Variants in MEP1A observed in about 807,000 individuals in gnomAD.
MEP1A encodes the protein meprin A subunit alpha.
A neutral mutation model predicts 84.5 loss-of-function variants in MEP1A; 68 were observed. That is an observed-to-expected ratio of 0.80 (90% CI 0.66 to 0.98). The LOEUF is 0.98. Among genes scored for constraint, MEP1A ranks in the 50% least tolerant of loss-of-function variants. The pLI, the probability that MEP1A is intolerant of heterozygous loss-of-function variation, is 0.00. For missense variants in MEP1A, 887 were observed against 919.9 expected, an observed-to-expected ratio of 0.96 and a Z score of 0.46; for synonymous variants, 337 against 336.8, an observed-to-expected ratio of 1.00 and a Z score of -0.01.
chr6:46,816,914 C>T (rs540796003), intron 6 of MEP1A, among the ~76,000 whole-genome samples: 1 of 152,152 alleles, frequency 6.6e-6, no homozygotes, highest in East Asian at 1.9e-4. Context: ...TGATGGAGAG[C>T]CATGTGTGAG....
At chr6:46,819,866 C>G (rs780392501) in intron 7 of MEP1A, among the ~76,000 whole-genome samples, 162 bp downstream of exon 7, 11 of 152,172 alleles carry the variant, frequency 7.2e-5, no homozygotes, top group African/African-American at 2.2e-4. Flanking sequence ...CTGTGCTGGT[C>G]TGACCGGAAT....
rs576412445 is a variant in MEP1A, at chr6:46,836,857, C to T, written c.2084+1308C>T. Among the ~76,000 whole-genome samples the T allele has an allele frequency of 2.0e-5, 3 of 149,762 alleles. No homozygotes were observed. The Admixed American group carries it at 2.0e-4, about 10-fold the overall frequency. ...TTAGATTGAAGTTTCACATTTGTGG[C>T]AAGATTAGTAAAGATGTGCTATGCC... On this transcript the variant is annotated intron_variant, in intron 13 of 13. Coordinates refer to ENST00000230588, the MANE Select transcript of MEP1A (RefSeq NM_005588.3).
intron 13 of MEP1A, among the ~76,000 whole-genome samples, chr6:46,836,234 G>A (rs539799248): frequency 5.1e-4 from 78 of 152,322 alleles, no homozygotes; most frequent in African/African-American, 1.8e-3. Flanking sequence ...CTGTCTGGCA[G>A]CACAGTTTGC....
At chr6:46,838,931 C>T (rs1409042424) in intron 13 of MEP1A, 49 bp from the exon 14 acceptor site, 10 of 1,543,164 alleles carry the variant, frequency 6.5e-6, no homozygotes, top group East Asian at 2.3e-5. Context: ...CTAGGAGGCA[C>T]CTGAGGCCTG....
At chr6:46,797,788 C>T (rs890815881) in intron 3 of MEP1A, among the ~76,000 whole-genome samples, 3 of 135,486 alleles carry the variant, frequency 2.2e-5, no homozygotes, top group Non-Finnish European at 4.6e-5. Context: ...TTCTTTCTTT[C>T]TTTCTCTTTC....
chr6:46,805,023 C>CT (rs1767283818), intron 5 of MEP1A, among the ~76,000 whole-genome samples: 2 of 151,716 alleles, frequency 1.3e-5, no homozygotes, highest in South Asian at 4.2e-4. Flanking sequence ...GCAATTTGTT[C>CT]TTTTTTTGTT....
Position 46,834,661 on chromosome 6 carries a change from T to C in MEP1A, c.1693T>C (p.Leu565=), listed in dbSNP as rs750962137. The change falls in exon 12 of 14, where the codon TTG becomes CTG. Residue 565 remains leucine (L), a synonymous_variant. Transcript: ENST00000230588. ...TDCNCFRSID[L]GWSGFISHQM... Reference sequence around the variant, plus strand: ...CTGTAATTGTTTTAGAAGCATCGACTTGGGCTGGAGTGGTTTCATTTCCCA... The same window carrying C: ...CTGTAATTGTTTTAGAAGCATCGACCTGGGCTGGAGTGGTTTCATTTCCCA... 1 of 1,611,412 alleles carries C rather than the reference T, an allele frequency of 6.2e-7. No homozygotes were observed. The highest frequency in any genetic ancestry group is 1.3e-5 in the African/African-American group (1 of 74,814).
intron 13 of MEP1A, among the ~76,000 whole-genome samples, chr6:46,837,769 G>C: frequency 6.6e-6 from 1 of 151,996 alleles, no homozygotes; most frequent in East Asian, 1.9e-4. Flanking sequence ...GAGAGGACTG[G>C]GTCAGAAAAA....
chr6:46,807,844 A>AAAGG (rs1448803609), intron 5 of MEP1A, among the ~76,000 whole-genome samples: 10 of 146,128 alleles, frequency 6.8e-5, no homozygotes, highest in Admixed American at 2.7e-4. Context: ...AGAAAGGAAG[A>AAAGG]AAGGAAATAA....
At position 46,839,181 on chromosome 6, in the gene MEP1A, G is replaced by T. The variant is rs768380043; in HGVS notation, c.*45G>T. 1 of 1,573,384 alleles carries T rather than the reference G, an allele frequency of 6.4e-7. No individual in the cohort carries two copies. The highest frequency in any genetic ancestry group is 8.7e-7 in the Non-Finnish European group (1 of 1,154,826). On this transcript the variant is annotated 3_prime_UTR_variant, in exon 14 of 14. Coordinates refer to ENST00000230588, the MANE Select transcript of MEP1A (RefSeq NM_005588.3). ...CAGACCACAGCAGCACCTCCTCCAT[G>T]CAGGCCTTAACTTTCCCATGGTCAA...
At position 46,833,428 on chromosome 6, in the gene MEP1A, C is replaced by A; in HGVS notation, c.1499C>A (p.Pro500Gln). 6.2e-7 allele frequency: 1 copy of A among 1,614,044 alleles called. No individual in the cohort carries two copies. The change falls in exon 11 of 14, where the codon CCG becomes CAG. Residue 500 changes from proline to glutamine, a missense_variant. Coordinates refer to ENST00000230588, the MANE Select transcript of MEP1A (RefSeq NM_005588.3). The stretch of plus-strand genomic sequence containing the variant: ...GAGAACGATGCTATCCTGGAGTGGC[C>A]GGTAGAAAACAGACAGGTGATAATT... ...SGENDAILEW[P>Q]VENRQVIITI...
chr6:46,824,427 AAT>A (rs1767852695), intron 7 of MEP1A, among the ~76,000 whole-genome samples: 1 of 146,628 alleles, frequency 6.8e-6, no homozygotes, highest in Non-Finnish European at 1.5e-5. Flanking sequence ...TATATTAACT[AAT>A]ATTAATAATG....
chr6:46,834,830 A>G, intron 12 of MEP1A, 79 bp downstream of exon 12: 1 of 1,135,920 alleles, frequency 8.8e-7, no homozygotes, highest in Non-Finnish European at 1.3e-6. Flanking sequence ...TTTAAAGCAC[A>G]CACGGAGGGT....
chr6:46,819,428 A>T, intron 6 of MEP1A, 101 bp from the exon 7 acceptor site: 1 of 942,566 alleles, frequency 1.1e-6, no homozygotes, highest in Non-Finnish European at 1.6e-6. Context: ...TTCTTTCTAA[A>T]ATCAAGCCTA....
intron 3 of MEP1A, among the ~76,000 whole-genome samples, chr6:46,794,859 T>TAA (rs1440791615): frequency 6.6e-6 from 1 of 152,208 alleles, no homozygotes; most frequent in Admixed American, 6.5e-5. Flanking sequence ...TCATTATTTA[T>TAA]CTAATAAAAA....
intron 6 of MEP1A, among the ~76,000 whole-genome samples, chr6:46,816,248 C>A (rs978721560): frequency 6.6e-6 from 1 of 152,096 alleles, no homozygotes. Context: ...TGAGCCACCG[C>A]GCCCGGCCTC....
intron 10 of MEP1A, among the ~76,000 whole-genome samples, chr6:46,830,247 TAAAAAAAAAAAAAAAAA>T (rs56033423): frequency 3.2e-4 from 16 of 50,092 alleles, no homozygotes; most frequent in African/African-American, 1.2e-3. Context: ...AGACTCCATC[TAAAAAAAAAAAAAAAAA>T]AAAAAAAAAA....
At chr6:46,843,869 G>A (rs1366014928), downstream of MEP1A, among the ~76,000 whole-genome samples, 1 of 152,208 alleles carries the variant, frequency 6.6e-6, no homozygotes, top group East Asian at 1.9e-4. Flanking sequence ...GAGAGGCTAA[G>A]TGCCTTAGGC....
chr6:46,842,724 G>T (rs1768355411), downstream of MEP1A, among the ~76,000 whole-genome samples: 1 of 152,072 alleles, frequency 6.6e-6, no homozygotes, highest in Non-Finnish European at 1.5e-5. Flanking sequence ...CTCCTTGTTT[G>T]TATACCCCCT....
Sources: allele counts gnomAD v4.1 joint callset (sites outside exome capture counted in the v4.1 genomes callset), GRCh38; gene constraint gnomAD v4.1.1; transcripts MANE v1.5; gene names NCBI Gene and HGNC (gene_info 2026-07-23, HGNC 2026-07-21).